The following KIF1A variants were observed in gnomAD, a reference collection of about 807,000 sequenced individuals.
The protein encoded by KIF1A is kinesin family member 1A, also known as kinesin-like protein KIF1A.
KIF1A carries 46 observed loss-of-function variants against 227.3 expected under a neutral mutation model. That is an observed-to-expected ratio of 0.20 (90% CI 0.16 to 0.26). The LOEUF is 0.26. Ranked by LOEUF, KIF1A falls within the 10% of genes least tolerant of loss-of-function variation. KIF1A has a pLI of 1.00. For synonymous variants in KIF1A, 1,022 were observed against 1,012.8 expected, an observed-to-expected ratio of 1.01 and a Z score of -0.17; for missense variants, 1,683 against 2,485.9, an observed-to-expected ratio of 0.68 and a Z score of 6.87.
chr2:240,722,662 G>A lies in KIF1A; in HGVS notation c.4465-6C>T. On this transcript the variant is annotated splice_polypyrimidine_tract_variant and splice_region_variant and intron_variant, in intron 42 of 48. Transcript: ENST00000498729. ...TAGTGCCTAGTCTTCTCCACCTTCA[G>A]ACAGGACACAAGGCCTTACCTGCTG... 6.6e-7 allele frequency: 1 copy of A among 1,516,146 alleles called. No individual in the cohort carries two copies. Among genetic ancestry groups the A allele is most frequent in the East Asian group, 2.4e-5 (1 of 41,104 alleles). The allele number at this position is 1,516,146 out of a possible 1,614,324, so 93.9% of individuals were successfully genotyped here.
chr2:240,737,028 C>T (rs752379313), intron 38 of KIF1A, 35 bp downstream of exon 38: 12 of 1,541,740 alleles, frequency 7.8e-6, no homozygotes, highest in Middle Eastern at 3.4e-4. Context: ...TGGGAACATG[C>T]CCTGGGCCCT....
In KIF1A at chr2:240,757,343, G is replaced by T. The variant is rs756992364; in HGVS notation, c.2834C>A (p.Pro945His). 5 of 1,550,534 alleles carry T rather than the reference G, an allele frequency of 3.2e-6. No homozygotes were observed. Among genetic ancestry groups the T allele is most frequent in the African/African-American group, 1.4e-5 (1 of 73,056 alleles). Residue 945 changes from proline to histidine, a missense_variant, in exon 27 of 49, where the codon CCC (proline) becomes CAC (histidine). Around this residue, in one of 12 missense-constraint regions of KIF1A, gnomAD observed 759 missense variants for 1,020.2 expected, o/e 0.74. Coordinates refer to ENST00000498729, the MANE Select transcript of KIF1A (RefSeq NM_001244008.2). This position sits in a 1 kb window ranked among gnomAD's most constrained non-coding sequence, Gnocchi z 6.2. ...CCTTCCTACTAAACTGAACAGGGGG[G>T]GCCGGTCGTAAAACGGGTCCCGGCC... is the stretch of plus-strand genomic sequence containing the variant. ...CDGRDPFYDR[P>H]PLFSLVGRAF... is the part of the protein sequence containing the mutation.
chr2:240,761,375 G>A lies in KIF1A; in HGVS notation c.2119C>T (p.Gln707Ter). 6.3e-7 allele frequency: 1 copy of A among 1,598,122 alleles called. No homozygotes were observed. Among genetic ancestry groups the A allele is most frequent in the Non-Finnish European group, 8.6e-7 (1 of 1,169,410 alleles). The part of the protein sequence containing the change: ...EEEEEPEDEV[Q>*]WTERECELAL... ...AGCTCACACTCCCGCTCTGTCCACT[G>A]GACTGTGGGGAGAGGTCACACGTGG... The change falls in exon 24 of 49, where the codon CAG (glutamine) becomes TAG (stop). Residue 707 changes from glutamine to a stop codon, truncating the protein, a stop_gained and splice_region_variant. Coordinates refer to ENST00000498729, the MANE Select transcript of KIF1A (RefSeq NM_001244008.2). LOFTEE classifies it high-confidence loss of function.
In KIF1A at chr2:240,738,103, G is replaced by A. The variant is rs183340339; in HGVS notation, c.3902-935C>T. Among the ~76,000 whole-genome samples the A allele has an allele frequency of 1.6e-4, 25 of 152,370 alleles. No homozygotes were observed. The East Asian group carries it at 4.6e-3, about 28-fold the overall frequency. On this transcript the variant is annotated intron_variant, in intron 37 of 48. Transcript: ENST00000498729. ...CCCATGGCAGGGAAGAGGCTCAGCT[G>A]CAGAGATCGCTGCCTGGGCAGAGCC...
intron 16 of KIF1A, 94 bp downstream of exon 16, chr2:240,769,533 G>T: frequency 9.5e-7 from 1 of 1,048,334 alleles, no homozygotes; most frequent in Non-Finnish European, 1.4e-6. Context: ...CAGGTGCCCA[G>T]CACTGGAGGG....
At position 240,719,913 on chromosome 2, in the gene KIF1A, A is replaced by C; in HGVS notation, c.4882T>G (p.Cys1628Gly). ...GGCTCTGGGCTGGCTGGCCGGGAGC[A>C]GGGCTGCGGGGTCCTGGGAAGCAGA... Reference protein sequence around the residue: ...GATDLRTPQPCSRPASPEPEL... With the variant: ...GATDLRTPQPGSRPASPEPEL... Residue 1628 changes from cysteine to glycine, a missense_variant, in exon 46 of 49, where the codon TGC becomes GGC. This residue lies in a region of KIF1A where 384 missense variants were observed against 410.1 expected (regional missense o/e 0.94). Transcript: ENST00000498729. 1 of 1,609,672 alleles carries C rather than the reference A, an allele frequency of 6.2e-7. No homozygotes were observed.
Position 240,735,483 on chromosome 2 carries a change from G to C in KIF1A, c.4007+1580C>G, listed in dbSNP as rs992309578. Among the ~76,000 whole-genome samples, 6 of 152,280 alleles carry C rather than the reference G, an allele frequency of 3.9e-5. 1 individual carries two copies. Among genetic ancestry groups the C allele is most frequent in the African/African-American group, 9.6e-5 (4 of 41,568 alleles). On this transcript the variant is annotated intron_variant, in intron 38 of 48. Coordinates refer to ENST00000498729, the MANE Select transcript of KIF1A (RefSeq NM_001244008.2). The stretch of plus-strand genomic sequence containing the variant: ...TGCAGAGAGATAGCAGGTGGGGTTG[G>C]GGGGCTGGAGCCCCTGCCCACCCCA...
At position 240,775,742 on chromosome 2, in the gene KIF1A, GA is replaced by G; in HGVS notation, c.958+108del. On this transcript the variant is annotated intron_variant, in intron 11 of 48. Transcript: ENST00000498729. This position sits in a 1 kb window ranked among gnomAD's most constrained non-coding sequence, Gnocchi z 5.5. Reference sequence around the variant, plus strand: ...AGGTTCACCTCCCAGCCTCAGCCCAGAAAGGGTGAGAGGCCTGCTGGCGACT... The same window carrying G: ...AGGTTCACCTCCCAGCCTCAGCCCAGAAGGGTGAGAGGCCTGCTGGCGACT... The G allele has an allele frequency of 2.6e-6, 2 of 759,476 alleles. No homozygotes were observed. The highest frequency in any genetic ancestry group is 4.7e-6 in the Non-Finnish European group (2 of 427,270). The allele number at this position is 759,476 out of a possible 1,614,324, so 47.0% of individuals were successfully genotyped here. A position where few individuals can be genotyped will look rare whatever the true frequency, so the allele number is the denominator to read the frequency against.
At chr2:240,737,481 G>A (rs2047475457) in intron 37 of KIF1A, 1 of 183,556 alleles carries the variant, frequency 5.4e-6, no homozygotes, top group Non-Finnish European at 1.2e-5. Flanking sequence ...GAAAAGGAAG[G>A]CTAAGCAAGA....
intron 9 of KIF1A, 120 bp from the exon 10 acceptor site, chr2:240,782,727 C>T (rs552733386): frequency 1.1e-5 from 12 of 1,063,370 alleles, no homozygotes; most frequent in African/African-American, 1.6e-5. Flanking sequence ...TCTACCACCC[C>T]GTGGTCTCCT....
At chr2:240,804,421 A>G (rs2126187655) in intron 1 of KIF1A, among the ~76,000 whole-genome samples, 1 of 152,194 alleles carries the variant, frequency 6.6e-6, no homozygotes, top group East Asian at 1.9e-4. Context: ...AAATTAGAGG[A>G]CTCCTCAGAA....
At chr2:240,722,328 C>T (rs2045504684) in intron 43 of KIF1A, 128 bp downstream of exon 43, 2 of 874,296 alleles carry the variant, frequency 2.3e-6, no homozygotes, top group South Asian at 3.4e-5. Context: ...ACCCCTCAAG[C>T]TCCTAGCTCC....
rs976243103 is a variant in KIF1A, at chr2:240,752,931, G to A, written c.2859-2384C>T. 6.6e-6 allele frequency among the ~76,000 whole-genome samples: 1 copy of A among 152,132 alleles called. No homozygotes were observed. Among genetic ancestry groups the A allele is most frequent in the East Asian group, 1.9e-4 (1 of 5,160 alleles). ...CAGCTCACAGGAAGGAGAGGCTAGA[G>A]CTGTCCAGGGCCACCCAGACAGGGT... On this transcript the variant is annotated intron_variant, in intron 27 of 48. Transcript: ENST00000498729. The surrounding 1 kb of genome is among the most constrained non-coding windows in gnomAD (Gnocchi z 6.4).
At chr2:240,809,586 A>G (rs1266182728) in intron 1 of KIF1A, among the ~76,000 whole-genome samples, 1 of 152,208 alleles carries the variant, frequency 6.6e-6, no homozygotes, top group Non-Finnish European at 1.5e-5. Context: ...TTCCATGTGG[A>G]TTAAAGACCT....
intron 42 of KIF1A, among the ~76,000 whole-genome samples, chr2:240,722,945 TG>T (rs2045581870): frequency 6.6e-6 from 1 of 152,192 alleles, no homozygotes; most frequent in South Asian, 2.1e-4. Context: ...GGGGCAGGGC[TG>T]TGCTGCCTTG....
Position 240,725,892 on chromosome 2 carries a change from G to A in KIF1A, c.4123-488C>T, listed in dbSNP as rs2045950747. The A allele has an allele frequency of 6.4e-6, 1 of 155,826 alleles. No individual in the cohort carries two copies. The highest frequency in any genetic ancestry group is 2.4e-5 in the African/African-American group (1 of 41,512). The allele number at this position is 155,826 out of a possible 1,614,324, so 9.7% of individuals were successfully genotyped here. A position where few individuals can be genotyped will look rare whatever the true frequency, so the allele number is the denominator to read the frequency against. The stretch of plus-strand genomic sequence containing the variant: ...GTGGGGGCAGCTGCTGTGCATGGCT[G>A]AAGAGTCCCAAGCACTCGCTGGGAA... On this transcript the variant is annotated intron_variant, in intron 39 of 48. Coordinates refer to ENST00000498729, the MANE Select transcript of KIF1A (RefSeq NM_001244008.2). This position sits in a 1 kb window ranked among gnomAD's most constrained non-coding sequence, Gnocchi z 5.8.
rs1051627568 is a variant in KIF1A at position 240,766,368 on chromosome 2, G to A, written c.1684+547C>T. On this transcript the variant is annotated intron_variant, in intron 19 of 48. Transcript: ENST00000498729. This position sits in a 1 kb window ranked among gnomAD's most constrained non-coding sequence, Gnocchi z 5.0. ...CCCAAGTTGGGCAGCACCAGGCAAT[G>A]GGGACAGCCCCACGTCATCTCCAGG... Among the ~76,000 whole-genome samples the A allele has an allele frequency of 6.6e-6, 1 of 152,220 alleles. No homozygotes were observed. The highest frequency in any genetic ancestry group is 1.5e-5 in the Non-Finnish European group (1 of 68,032).
At chr2:240,734,832 G>T in intron 38 of KIF1A, 1 of 1,010,070 alleles carries the variant, frequency 9.9e-7, no homozygotes, top group Non-Finnish European at 1.4e-6. Context: ...GAAGCGGCCT[G>T]TGGCCACAGG....
chr2:240,782,662 T>C (rs1017400384), intron 9 of KIF1A, 55 bp from the exon 10 acceptor site: 1 of 1,542,790 alleles, frequency 6.5e-7, no homozygotes, highest in Non-Finnish European at 8.8e-7. Flanking sequence ...TGGCGCGGGC[T>C]GTGGGGGCGG....
Sources: allele counts gnomAD v4.1 joint callset (sites outside exome capture counted in the v4.1 genomes callset), GRCh38; gene constraint gnomAD v4.1.1; regional missense constraint gnomAD v4.1.1; non-coding constraint Gnocchi (gnomAD v3.1); transcripts MANE v1.5; gene names NCBI Gene and HGNC (gene_info 2026-07-23, HGNC 2026-07-21).